CREBBP: variants seen among roughly 807,000 people sequenced by gnomAD.
CREBBP encodes the protein CREB binding lysine acetyltransferase.
CREBBP carries 19 observed loss-of-function variants against 265.0 expected under a neutral mutation model. The observed-to-expected ratio is 0.07, with a 90% confidence interval of 0.05 to 0.11. The LOEUF (loss-of-function observed/expected upper bound fraction) is 0.11. CREBBP is among the 10% of genes least tolerant of loss of function. CREBBP has a pLI of 1.00. For synonymous variants in CREBBP, 1,457 were observed against 1,223.7 expected, an observed-to-expected ratio of 1.19 and a Z score of -3.98; for missense variants, 2,525 against 3,219.0, an observed-to-expected ratio of 0.78 and a Z score of 5.22.
intron 3 of CREBBP, among the ~76,000 whole-genome samples, chr16:3,796,549 GCTA>G (rs2053612800): frequency 6.6e-6 from 1 of 151,960 alleles, no homozygotes; most frequent in African/African-American, 2.4e-5. Flanking sequence ...ACCACGCCTG[GCTA>G]CTTTTTGTAT....
intron 2 of CREBBP, among the ~76,000 whole-genome samples, chr16:3,828,042 T>TG (rs2054272161): frequency 6.6e-6 from 1 of 152,122 alleles, no homozygotes; most frequent in Non-Finnish European, 1.5e-5. Context: ...GCTGGCCTCT[T>TG]GCACATAGGC....
intron 1 of CREBBP, among the ~76,000 whole-genome samples, chr16:3,853,552 G>T (rs1054434613): frequency 6.6e-6 from 1 of 152,094 alleles, no homozygotes; most frequent in Non-Finnish European, 1.5e-5. Flanking sequence ...AGAGCTTGCA[G>T]TGAGCCAAGA....
At chr16:3,863,802 G>A (rs1466533872) in intron 1 of CREBBP, among the ~76,000 whole-genome samples, 2 of 152,176 alleles carry the variant, frequency 1.3e-5, no homozygotes, top group African/African-American at 2.4e-5. Context: ...CCTCAGCCCT[G>A]AAGGGTGGGG....
intron 21 of CREBBP, among the ~76,000 whole-genome samples, chr16:3,746,427 T>C (rs2151358397): frequency 6.6e-6 from 1 of 152,284 alleles, no homozygotes; most frequent in Middle Eastern, 3.4e-3. Context: ...CGGCTCTGTC[T>C]GGCTACCTCT....
chr16:3,801,201 G>A (rs1249907373), intron 3 of CREBBP, among the ~76,000 whole-genome samples: 2 of 152,180 alleles, frequency 1.3e-5, no homozygotes, highest in East Asian at 3.9e-4. Context: ...CTCCTCCACA[G>A]AGGGCTGACC....
rs766944517 is a variant in CREBBP at position 3,770,671 on chromosome 16, TCACCTG to T, written c.2773_2778del (p.Gln925_Val926del). The T allele has an allele frequency of 3.1e-6, 5 of 1,613,702 alleles. No individual in the cohort carries two copies. In the Admixed American group the frequency reaches 8.3e-5, roughly 27 times the overall value. On this transcript the variant is annotated inframe_deletion, in exon 14 of 31. Coordinates refer to ENST00000262367, the MANE Select transcript of CREBBP (RefSeq NM_004380.3). ...TGAACTGGGGTTTGAGGCTGCGGGG[TCACCTG>T]GGCCTGGGCTGCTGCCTGGACTGTA... is the stretch of plus-strand genomic sequence containing the variant.
chr16:3,731,839 G>A lies in CREBBP; in HGVS notation c.4827C>T (p.Ser1609=), dbSNP rs1034828767. The change falls in exon 29 of 31, where the codon AGC becomes AGT. Residue 1609 remains serine (S), a synonymous_variant. Coordinates refer to ENST00000262367, the MANE Select transcript of CREBBP (RefSeq NM_004380.3). This position sits in a 1 kb window ranked among gnomAD's most constrained non-coding sequence, Gnocchi z 7.7. ...SISRANKKKP[S]MPNVSNDLSQ... is the part of the protein sequence containing the mutation. ...ACAGGTCATTGGACACGTTGGGCATGCTGGGCTTCTTCTTGTTGGCGCGGC... is the reference window on the plus strand; with the variant it reads ...ACAGGTCATTGGACACGTTGGGCATACTGGGCTTCTTCTTGTTGGCGCGGC... 7 of 1,614,256 alleles carry A rather than the reference G, an allele frequency of 4.3e-6. No homozygotes were observed. The highest frequency in any genetic ancestry group is 5.9e-6 in the Non-Finnish European group (7 of 1,180,052).
chr16:3,774,501 C>T, intron 12 of CREBBP, 68 bp downstream of exon 12: 1 of 1,604,592 alleles, frequency 6.2e-7, no homozygotes, highest in Non-Finnish European at 8.5e-7. Flanking sequence ...GACATGAATT[C>T]TGCTGCTTAG....
rs1567360682 is a variant in CREBBP at position 3,849,447 on chromosome 16, GTGTGTGTGT to G, written c.798+841_798+849del. Among the ~76,000 whole-genome samples the G allele has an allele frequency of 1.0e-3, 33 of 31,820 alleles. 1 individual carries two copies. Among genetic ancestry groups the G allele is most frequent in the South Asian group, 2.7e-3 (2 of 740 alleles). 20.9% of individuals were successfully genotyped at this position (31,820 alleles called of 152,430 possible). A position where few individuals can be genotyped will look rare whatever the true frequency, so the allele number is the denominator to read the frequency against. ...TGTGTGTGTGTGTGTGTGTGTGTGT[GTGTGTGTGT>G]GTGTGTGTGTGTGTGTGTGTGTGTG... is the stretch of plus-strand genomic sequence containing the variant. On this transcript the variant is annotated intron_variant, in intron 2 of 30. Coordinates refer to ENST00000262367, the MANE Select transcript of CREBBP (RefSeq NM_004380.3).
At chr16:3,777,557 A>C (rs1012743897) in intron 11 of CREBBP, 56 bp downstream of exon 11, 2 of 1,558,920 alleles carry the variant, frequency 1.3e-6, no homozygotes, top group African/African-American at 2.7e-5. Flanking sequence ...AAACAGTGAA[A>C]GTTATGGCTG....
rs145256357 is a variant in CREBBP, at chr16:3,872,129, G to A, written c.85+7703C>T. Among the ~76,000 whole-genome samples the A allele has an allele frequency of 3.3e-5, 5 of 152,228 alleles. No individual in the cohort carries two copies. The East Asian group carries it at 9.6e-4, about 29-fold the overall frequency. On this transcript the variant is annotated intron_variant, in intron 1 of 30. Transcript: ENST00000262367. ...AAGGAATTCAACTTTTAGAGACAGAGCTCAAAAATAGCCTTGCTTCCTAAA... is the reference window on the plus strand; with the variant it reads ...AAGGAATTCAACTTTTAGAGACAGAACTCAAAAATAGCCTTGCTTCCTAAA...
Position 3,770,814 on chromosome 16 carries a change from G to T in CREBBP, c.2636C>A (p.Pro879His). 6.2e-7 allele frequency: 1 copy of T among 1,614,090 alleles called. No individual in the cohort carries two copies. Among genetic ancestry groups the T allele is most frequent in the South Asian group, 1.1e-5 (1 of 91,076 alleles). Residue 879 changes from proline to histidine, a missense_variant, in exon 14 of 31, where the codon CCT becomes CAT. Around this residue, in one of 19 missense-constraint regions of CREBBP, gnomAD observed 548 missense variants for 533.0 expected, o/e 1.03. Transcript: ENST00000262367. ...CTGAGTGGGAGCTGCTGGCTGGGGAGGAGTCATCCCAGGTGGTGTCGTGTG... is the reference window on the plus strand; with the variant it reads ...CTGAGTGGGAGCTGCTGGCTGGGGATGAGTCATCCCAGGTGGTGTCGTGTG... ...LQHTTPPGMTPPQPAAPTQPS... is the reference protein window; with the variant it reads ...LQHTTPPGMTHPQPAAPTQPS...
At chr16:3,745,196 A>G (rs1310231054) in intron 22 of CREBBP, 81 bp downstream of exon 22, 1 of 1,251,904 alleles carries the variant, frequency 8.0e-7, no homozygotes, top group Non-Finnish European at 1.2e-6. Flanking sequence ...GACAACAATG[A>G]ATGAGATGCA....
rs941610556 is a variant in CREBBP, at chr16:3,810,814, A to G, written c.799-35T>C. 12 of 1,608,698 alleles carry G rather than the reference A, an allele frequency of 7.5e-6. No homozygotes were observed. In the Admixed American group the frequency reaches 2.0e-4, roughly 27 times the overall value. On this transcript the variant is annotated intron_variant, in intron 2 of 30. Coordinates refer to ENST00000262367, the MANE Select transcript of CREBBP (RefSeq NM_004380.3). Reference sequence around the variant, plus strand: ...AAAAGAGGTAACATCAGCTGTGGTGACGCAGTCAATATAAAAGGAAGGGCC... The same window carrying G: ...AAAAGAGGTAACATCAGCTGTGGTGGCGCAGTCAATATAAAAGGAAGGGCC...
intron 1 of CREBBP, among the ~76,000 whole-genome samples, chr16:3,860,933 C>A (rs367960738): frequency 1.3e-4 from 20 of 152,192 alleles, no homozygotes; most frequent in African/African-American, 4.6e-4. Flanking sequence ...CAGATCACAG[C>A]TGTCACCACA....
intron 16 of CREBBP, 157 bp downstream of exon 16, chr16:3,767,563 G>A: frequency 1.0e-6 from 1 of 972,078 alleles, no homozygotes; most frequent in Non-Finnish European, 1.5e-6. Flanking sequence ...TGCTCAGCCT[G>A]AGTGTTTCTG....
chr16:3,840,063 A>C (rs2054537253), intron 2 of CREBBP, among the ~76,000 whole-genome samples: 1 of 152,116 alleles, frequency 6.6e-6, no homozygotes, highest in Non-Finnish European at 1.5e-5. Context: ...TACATCCCAC[A>C]TTACCCTGTA....
intron 16 of CREBBP, among the ~76,000 whole-genome samples, chr16:3,763,521 C>T (rs1258919526): frequency 6.6e-6 from 1 of 152,096 alleles, no homozygotes; most frequent in African/African-American, 2.4e-5. Context: ...AGTGCAATGG[C>T]ACGATCTCAG....
At chr16:3,804,138 CAAGATAG>C (rs2141324437) in intron 3 of CREBBP, among the ~76,000 whole-genome samples, 1 of 151,890 alleles carries the variant, frequency 6.6e-6, no homozygotes, top group Non-Finnish European at 1.5e-5. Context: ...AGACAACCTG[CAAGATAG>C]AAGATAGAAG....
Sources: allele counts gnomAD v4.1 joint callset (sites outside exome capture counted in the v4.1 genomes callset), GRCh38; gene constraint gnomAD v4.1.1; regional missense constraint gnomAD v4.1.1; non-coding constraint Gnocchi (gnomAD v3.1); transcripts MANE v1.5; gene names NCBI Gene and HGNC (gene_info 2026-07-23, HGNC 2026-07-21).